The following RAD51B variants were observed in gnomAD, a reference collection of about 807,000 sequenced individuals.
RAD51B encodes the protein DNA repair protein RAD51 homolog 2.
RAD51B carries 38 observed loss-of-function variants against 42.2 expected under a neutral mutation model. That is an observed-to-expected ratio of 0.90 (90% CI 0.70 to 1.18). RAD51B has a LOEUF of 1.18. Ranked by LOEUF, RAD51B falls within the 50% of genes most tolerant of loss-of-function variation. The pLI is 0.00. For missense variants in RAD51B, 373 were observed against 400.7 expected (o/e 0.93, Z 0.59); for synonymous variants, 154 against 145.2 (o/e 1.06, Z -0.43).
chr14:67,868,565 G>A (rs1191942975), intron 5 of RAD51B, among the ~76,000 whole-genome samples: 4 of 152,136 alleles, frequency 2.6e-5, no homozygotes, highest in Non-Finnish European at 4.4e-5. Flanking sequence ...CAGGAAGCTC[G>A]AACTGGGTGG....
At chr14:68,354,437 TC>T (rs1290490918) in intron 8 of RAD51B, among the ~76,000 whole-genome samples, 17 of 152,028 alleles carry the variant, frequency 1.1e-4, no homozygotes, top group Non-Finnish European at 2.5e-4. Context: ...ATGGTCTCGA[TC>T]CCTTGACCTC....
chr14:68,618,095 C>T (rs1036696321), intron 10 of RAD51B, among the ~76,000 whole-genome samples: 1 of 152,202 alleles, frequency 6.6e-6, no homozygotes, highest in Non-Finnish European at 1.5e-5. Flanking sequence ...GCAAGCCATG[C>T]AGGAACAGGT....
At chr14:68,253,719 A>G (rs1276194963) in intron 7 of RAD51B, among the ~76,000 whole-genome samples, 1 of 152,262 alleles carries the variant, frequency 6.6e-6, no homozygotes, top group Non-Finnish European at 1.5e-5. Context: ...TATGCTTTAC[A>G]GTAACCCCCC....
chr14:67,880,409 T>A (rs2042867751), intron 5 of RAD51B, among the ~76,000 whole-genome samples: 1 of 152,220 alleles, frequency 6.6e-6, no homozygotes, highest in Non-Finnish European at 1.5e-5. Flanking sequence ...GAGAACCCAA[T>A]TGTACAGATG....
intron 8 of RAD51B, among the ~76,000 whole-genome samples, chr14:68,302,438 G>C (rs2081761334): frequency 6.6e-6 from 1 of 151,912 alleles, no homozygotes; most frequent in Non-Finnish European, 1.5e-5. Context: ...TTCTTAATAG[G>C]AGAGAGAGAA....
rs1302156371 is a variant in RAD51B at position 68,415,082 on chromosome 14, G to A, written c.957+3555G>A. ...AAATCAGTGGTTCTCAAACCTGGCTGCACTTAAGGCTCATCACAGGAGCAT... is the reference window on the plus strand; with the variant it reads ...AAATCAGTGGTTCTCAAACCTGGCTACACTTAAGGCTCATCACAGGAGCAT... On this transcript the variant is annotated intron_variant, in intron 9 of 10. Transcript: ENST00000471583. 2.0e-5 allele frequency among the ~76,000 whole-genome samples: 3 copies of A among 147,970 alleles called. No homozygotes were observed. The Admixed American group carries it at 2.0e-4, about 10-fold the overall frequency.
chr14:68,328,587 A>G (rs1316482937), intron 8 of RAD51B, among the ~76,000 whole-genome samples: 1 of 152,144 alleles, frequency 6.6e-6, no homozygotes, highest in East Asian at 1.9e-4. Flanking sequence ...TGGAAACAGA[A>G]CTTCAATTTT....
intron 7 of RAD51B, among the ~76,000 whole-genome samples, chr14:67,899,111 T>C (rs1026588773): frequency 1.3e-5 from 2 of 152,038 alleles, no homozygotes; most frequent in African/African-American, 4.8e-5. Flanking sequence ...GGCATGATCT[T>C]GGCTCACTGC....
chr14:68,563,809 G>C, intron 10 of RAD51B: 2 of 985,350 alleles, frequency 2.0e-6, no homozygotes, highest in Non-Finnish European at 2.4e-6. Context: ...GCTCGGTAAT[G>C]AGCAGTCCTT....
At chr14:67,893,633 T>C (rs1177621246) in intron 7 of RAD51B, among the ~76,000 whole-genome samples, 3 of 152,084 alleles carry the variant, frequency 2.0e-5, no homozygotes, top group Admixed American at 2.0e-4. Flanking sequence ...AACATGCCAC[T>C]GCATTCCAGC....
chr14:68,569,696 A>G (rs545431415), intron 10 of RAD51B, among the ~76,000 whole-genome samples: 1 of 152,302 alleles, frequency 6.6e-6, no homozygotes, highest in African/African-American at 2.4e-5. Context: ...GGAGATGGGA[A>G]TGCCCCTCTA....
intron 7 of RAD51B, among the ~76,000 whole-genome samples, chr14:67,965,231 C>T (rs755487972): frequency 3.9e-5 from 6 of 152,182 alleles, no homozygotes; most frequent in Non-Finnish European, 8.8e-5. Context: ...AGCTGGAAAC[C>T]TCACATTCAT....
intron 8 of RAD51B, chr14:68,339,476 G>C (rs2082528339): frequency 2.0e-6 from 1 of 492,120 alleles, no homozygotes; most frequent in African/African-American, 2.0e-5. Context: ...GCTTCTTTAT[G>C]ACAGCAGGAG....
intron 7 of RAD51B, among the ~76,000 whole-genome samples, chr14:68,007,813 G>A (rs1267232852): frequency 6.6e-6 from 1 of 151,874 alleles, no homozygotes; most frequent in Admixed American, 6.6e-5. Flanking sequence ...TTATGTTAAT[G>A]AGAGTAAAAA....
Position 68,129,448 on chromosome 14 carries a change from A to C in RAD51B, c.757-162436A>C, listed in dbSNP as rs141352003. ...TAACTACAACTGCTACATTGTACCT[A>C]GTGTCTGGTTCAGTGTAGATACCAC... On this transcript the variant is annotated intron_variant, in intron 7 of 10. Transcript: ENST00000471583. Among the ~76,000 whole-genome samples, 820 of 152,282 alleles carry C rather than the reference A, an allele frequency of 5.4e-3. 8 individuals carry two copies. The highest frequency in any genetic ancestry group is 0.018 in the African/African-American group (759 of 41,550).
intron 7 of RAD51B, among the ~76,000 whole-genome samples, chr14:68,047,836 A>G (rs1407984490): frequency 6.6e-6 from 1 of 152,180 alleles, no homozygotes; most frequent in Non-Finnish European, 1.5e-5. Flanking sequence ...GACGTTTTTC[A>G]TGGATGCTTC....
At chr14:68,213,698 C>T (rs1438871167) in intron 7 of RAD51B, among the ~76,000 whole-genome samples, 1 of 152,160 alleles carries the variant, frequency 6.6e-6, no homozygotes, top group African/African-American at 2.4e-5. Context: ...TAGTTCTTCT[C>T]TAAGAGTCCA....
intron 7 of RAD51B, among the ~76,000 whole-genome samples, chr14:68,152,721 A>G (rs2078415806): frequency 1.7e-5 from 1 of 58,356 alleles, no homozygotes; most frequent in Non-Finnish European, 3.0e-5. Context: ...TTAGTACCCA[A>G]TCTTTTTTTT....
chr14:68,562,730 T>TC (rs1889218374), intron 10 of RAD51B: 1 of 984,948 alleles, frequency 1.0e-6, no homozygotes, highest in African/African-American at 1.8e-5. Flanking sequence ...CAGCTATTCA[T>TC]CCCCCTGGTG....
Sources: gnomAD v4.1 joint callset for allele counts (sites outside exome capture counted in the v4.1 genomes callset) on GRCh38, gnomAD v4.1.1 for gene constraint, MANE v1.5 for transcripts, NCBI Gene and HGNC (gene_info 2026-07-23, HGNC 2026-07-21) for gene names.